Variants in RNF180 observed in about 807,000 individuals in gnomAD.
RNF180 encodes the protein E3 ubiquitin-protein ligase RNF180.
A neutral mutation model predicts 59.2 loss-of-function variants in RNF180; 38 were observed. That is an observed-to-expected ratio of 0.64 (90% CI 0.50 to 0.84). The LOEUF is 0.84. Among genes scored for constraint, RNF180 ranks in the 40% least tolerant of loss-of-function variants. RNF180 has a pLI of 0.00. For missense variants in RNF180, 705 were observed against 700.9 expected, an observed-to-expected ratio of 1.01 and a Z score of -0.07; for synonymous variants, 262 against 240.3, an observed-to-expected ratio of 1.09 and a Z score of -0.84.
chr5:64,266,132 G>T (rs1399395775), intron 5 of RNF180, among the ~76,000 whole-genome samples: 2 of 152,138 alleles, frequency 1.3e-5, no homozygotes, highest in Non-Finnish European at 2.9e-5. Flanking sequence ...TGAAACAATG[G>T]GGTTTTCCAG....
At chr5:64,195,092 C>T (rs2112025265) in intron 1 of RNF180, among the ~76,000 whole-genome samples, 1 of 152,220 alleles carries the variant, frequency 6.6e-6, no homozygotes, top group East Asian at 1.9e-4. Flanking sequence ...ATAAATTTAA[C>T]ATTGTATCCC....
At chr5:64,264,805 C>T (rs765478789) in intron 5 of RNF180, among the ~76,000 whole-genome samples, 3 of 152,184 alleles carry the variant, frequency 2.0e-5, no homozygotes, top group Non-Finnish European at 2.9e-5. Context: ...GGAATTGCCA[C>T]ATTGTCTTCC....
chr5:64,328,212 G>A (rs1429266879), intron 6 of RNF180, among the ~76,000 whole-genome samples: 1 of 151,912 alleles, frequency 6.6e-6, no homozygotes. Context: ...TTTTTGGGGG[G>A]GATTTTTAAC....
chr5:64,304,377 A>T (rs1016481640), intron 5 of RNF180, among the ~76,000 whole-genome samples: 1 of 151,650 alleles, frequency 6.6e-6, no homozygotes, highest in Admixed American at 6.6e-5. Context: ...GGCAAAGCAC[A>T]TGGAAAACCT....
chr5:64,257,283 T>C (rs1206857243), intron 5 of RNF180, among the ~76,000 whole-genome samples: 4 of 152,016 alleles, frequency 2.6e-5, no homozygotes, highest in Admixed American at 2.6e-4. Context: ...CTTGTGCCAG[T>C]TTTCAAAGGG....
At chr5:64,212,241 T>G in intron 3 of RNF180, 81 bp downstream of exon 3, 3 of 824,424 alleles carry the variant, frequency 3.6e-6, no homozygotes, top group Non-Finnish European at 6.2e-6. Flanking sequence ...CTATTTTTCT[T>G]AGATGCATTC....
At chr5:64,261,723 A>G (rs1330614916) in intron 5 of RNF180, among the ~76,000 whole-genome samples, 1 of 152,168 alleles carries the variant, frequency 6.6e-6, no homozygotes, top group African/African-American at 2.4e-5. Context: ...TCTCTTATAA[A>G]TCAATATCAG....
At chr5:64,196,405 T>C (rs1751460129) in intron 1 of RNF180, among the ~76,000 whole-genome samples, 1 of 152,168 alleles carries the variant, frequency 6.6e-6, no homozygotes, top group Admixed American at 6.5e-5. Flanking sequence ...TAAGGAAGTT[T>C]CCTTCTATTG....
chr5:64,229,310 CT>C (rs1313542951), intron 5 of RNF180, among the ~76,000 whole-genome samples: 1 of 152,118 alleles, frequency 6.6e-6, no homozygotes, highest in African/African-American at 2.4e-5. Flanking sequence ...TTTTGTGACC[CT>C]CTCTGAAGTG....
chr5:64,352,349 A>C (rs1043963109), intron 7 of RNF180, among the ~76,000 whole-genome samples: 1 of 151,850 alleles, frequency 6.6e-6, no homozygotes, highest in African/African-American at 2.4e-5. Flanking sequence ...TTTTCAAAAA[A>C]CCAGCTCCTG....
chr5:64,330,381 C>T lies in RNF180; in HGVS notation c.1554C>T (p.Cys518=). The change falls in exon 7 of 8, where the codon TGC becomes TGT. Residue 518 remains cysteine, a synonymous_variant. Transcript: ENST00000389100. The part of the protein sequence containing the change: ...SNSAKWPLPS[C]RKAFHLFGGF... ...CTGCAAAATGGCCCCTACCAAGCTG[C>T]AGAAAAGCATTTCATCTTTTTGGAG... 2.0e-6 allele frequency: 3 copies of T among 1,538,114 alleles called. No individual in the cohort carries two copies. Among genetic ancestry groups the T allele is most frequent in the Non-Finnish European group, 1.7e-6 (2 of 1,143,898 alleles).
At chr5:64,364,784 G>T (rs1746384393) in intron 7 of RNF180, among the ~76,000 whole-genome samples, 1 of 151,520 alleles carries the variant, frequency 6.6e-6, no homozygotes, top group African/African-American at 2.4e-5. Context: ...ATTTCTTTCT[G>T]GTTCAGTCTT....
At position 64,217,367 on chromosome 5, in the gene RNF180, T is replaced by C; in HGVS notation, c.1198T>C (p.Tyr400His). ...TAATTTTTTATTTCTCTAGGGTAAA[T>C]ACTCAGGAGTGGGATTGCTGGATCA... Reference protein sequence around the residue: ...RERWLQKQGKYSGVGLLDHMT... With the variant: ...RERWLQKQGKHSGVGLLDHMT... The change falls in exon 5 of 8, where the codon TAC (tyrosine) becomes CAC (histidine). Residue 400 changes from tyrosine (Y) to histidine (H), a missense_variant. Tyr to His is a moderately conservative substitution (Grantham distance 83). Coordinates refer to ENST00000389100, the MANE Select transcript of RNF180 (RefSeq NM_001113561.2). 1 of 1,411,934 alleles carries C rather than the reference T, an allele frequency of 7.1e-7. No individual in the cohort carries two copies. The highest frequency in any genetic ancestry group is 9.3e-7 in the Non-Finnish European group (1 of 1,077,896). The allele number at this position is 1,411,934 out of a possible 1,614,324, so 87.5% of individuals were successfully genotyped here.
chr5:64,265,145 G>A (rs1744583473), intron 5 of RNF180, among the ~76,000 whole-genome samples: 1 of 152,144 alleles, frequency 6.6e-6, no homozygotes, highest in Non-Finnish European at 1.5e-5. Context: ...CAGATGGGTA[G>A]ATTGCAAAAA....
chr5:64,245,801 C>A (rs895122590), intron 5 of RNF180, among the ~76,000 whole-genome samples: 1 of 152,154 alleles, frequency 6.6e-6, no homozygotes, highest in African/African-American at 2.4e-5. Context: ...CACCCCAGAT[C>A]AACAGAATAT....
At chr5:64,221,546 C>A (rs1741336816) in intron 5 of RNF180, among the ~76,000 whole-genome samples, 1 of 152,040 alleles carries the variant, frequency 6.6e-6, no homozygotes, top group Admixed American at 6.5e-5. Context: ...TTTTATTCTA[C>A]CTTCTAGGAA....
intron 5 of RNF180, among the ~76,000 whole-genome samples, chr5:64,268,882 G>A (rs939990122): frequency 1.3e-5 from 2 of 152,004 alleles, no homozygotes; most frequent in Non-Finnish European, 2.9e-5. Flanking sequence ...TTTATCACAA[G>A]AGCCCTTCTC....
rs187446981 is a variant in RNF180 at position 64,180,726 on chromosome 5, A to G, written c.-1+14773A>G. On this transcript the variant is annotated intron_variant, in intron 1 of 7. Coordinates refer to ENST00000389100, the MANE Select transcript of RNF180 (RefSeq NM_001113561.2). ...AGGCATTATTCTTCCCCTGTAGTCAATTCCTTCATAGAACTTCTACCAACG... is the reference window on the plus strand; with the variant it reads ...AGGCATTATTCTTCCCCTGTAGTCAGTTCCTTCATAGAACTTCTACCAACG... 4.6e-5 allele frequency among the ~76,000 whole-genome samples: 7 copies of G among 152,284 alleles called. No homozygotes were observed. In the South Asian group the frequency reaches 8.3e-4, roughly 18 times the overall value.
chr5:64,245,359 G>T (rs1202320065), intron 5 of RNF180, among the ~76,000 whole-genome samples: 1 of 152,184 alleles, frequency 6.6e-6, no homozygotes, highest in East Asian at 1.9e-4. Context: ...TCAGTGTGCT[G>T]TATTCAGGAG....
Sources: allele counts gnomAD v4.1 joint callset (sites outside exome capture counted in the v4.1 genomes callset), GRCh38; gene constraint gnomAD v4.1.1; transcripts MANE v1.5; gene names NCBI Gene and HGNC (gene_info 2026-07-23, HGNC 2026-07-21).